CA8: variants seen among roughly 807,000 people sequenced by gnomAD.
The protein encoded by CA8 is carbonic anhydrase-related protein.
A neutral mutation model predicts 41.4 loss-of-function variants in CA8; 22 were observed. That is an observed-to-expected ratio of 0.53 (90% confidence interval 0.38 to 0.76). The LOEUF (loss-of-function observed/expected upper bound fraction) is 0.76. Among genes scored for constraint, CA8 ranks in the 30% least tolerant of loss-of-function variants. The pLI is 0.00. For missense variants in CA8, 270 were observed against 352.8 expected, an observed-to-expected ratio of 0.77 and a Z score of 1.88; for synonymous variants, 121 against 130.6, an observed-to-expected ratio of 0.93 and a Z score of 0.50.
intron 1 of CA8, among the ~76,000 whole-genome samples, chr8:60,280,161 T>G (rs891882221): frequency 6.6e-6 from 1 of 152,220 alleles, no homozygotes; most frequent in Non-Finnish European, 1.5e-5. Context: ...ATTTGGGTCA[T>G]TTTTAAGTGA....
Position 60,187,999 on chromosome 8 carries a change from T to C in CA8, c.*2022A>G, listed in dbSNP as rs1009628582. ...AAGCGTATTATAAACAGTATTCATA[T>C]TCTGAATCTGAGGTAACTAACTGTG... On this transcript the variant is annotated 3_prime_UTR_variant, in exon 9 of 9. Coordinates refer to ENST00000317995, the MANE Select transcript of CA8 (RefSeq NM_004056.6). 7 of 152,216 alleles carry C rather than the reference T, an allele frequency of 4.6e-5. No individual in the cohort carries two copies. Among genetic ancestry groups the C allele is most frequent in the Non-Finnish European group, 1.0e-4 (7 of 68,036 alleles). The allele number at this position is 152,216 out of a possible 1,614,324, so 9.4% of individuals were successfully genotyped here. A position where few individuals can be genotyped will look rare whatever the true frequency, so the allele number is the denominator to read the frequency against.
chr8:60,258,341 A>G (rs13266513), intron 3 of CA8, among the ~76,000 whole-genome samples: 77,000 of 152,092 alleles, frequency 0.51, 21,522 homozygotes, highest in African/African-American at 0.77. Context: ...TCACAGATAC[A>G]TTTGTATAGG....
chr8:60,245,215 A>C (rs1808186263), intron 3 of CA8, among the ~76,000 whole-genome samples: 1 of 152,172 alleles, frequency 6.6e-6, no homozygotes, highest in Non-Finnish European at 1.5e-5. Flanking sequence ...TGAGAAAAGT[A>C]AATTTTGATG....
chr8:60,273,636 A>C (rs1426407429), intron 2 of CA8, among the ~76,000 whole-genome samples: 1 of 152,276 alleles, frequency 6.6e-6, no homozygotes, highest in Non-Finnish European at 1.5e-5. Context: ...AAGCACCAGC[A>C]GAGAAAAGGC....
At chr8:60,221,389 T>A (rs1258247229) in intron 7 of CA8, among the ~76,000 whole-genome samples, 1 of 152,222 alleles carries the variant, frequency 6.6e-6, no homozygotes, top group Non-Finnish European at 1.5e-5. Context: ...CCAGTTAGCA[T>A]TCAGGAAGGG....
intron 3 of CA8, among the ~76,000 whole-genome samples, chr8:60,249,043 A>C (rs1480523604): frequency 1.3e-5 from 2 of 152,152 alleles, no homozygotes; most frequent in African/African-American, 4.8e-5. Context: ...GAGTTTATTC[A>C]AGATTTGGTC....
chr8:60,270,639 C>T (rs951811219), intron 2 of CA8, among the ~76,000 whole-genome samples: 2 of 152,188 alleles, frequency 1.3e-5, no homozygotes, highest in Non-Finnish European at 2.9e-5. Flanking sequence ...TGGTCTTCAA[C>T]TCCTGACCTC....
chr8:60,232,353 A>T lies in CA8; in HGVS notation c.444T>A (p.Thr148=), dbSNP rs1342054874. The T allele has an allele frequency of 8.7e-6, 14 of 1,613,900 alleles. No homozygotes were observed. The highest frequency in any genetic ancestry group is 1.3e-5 in the African/African-American group (1 of 74,926). The part of the protein sequence containing the change: ...MELHLIHWNS[T]LFGSIDEAVG... ...CAGCCTCATCAATGCTGCCAAACAG[A>T]GTGGAGTTCCAGTGGATCAGATGGA... Residue 148 remains threonine, a synonymous_variant, in exon 4 of 9, where the codon ACT becomes ACA. Coordinates refer to ENST00000317995, the MANE Select transcript of CA8 (RefSeq NM_004056.6).
chr8:60,265,845 T>C, intron 3 of CA8, 80 bp downstream of exon 3: 1 of 1,497,222 alleles, frequency 6.7e-7, no homozygotes, highest in South Asian at 1.2e-5. Context: ...CATCTACTTT[T>C]AAACTAAATC....
intron 3 of CA8, among the ~76,000 whole-genome samples, chr8:60,250,079 C>T (rs1002613048): frequency 6.6e-6 from 1 of 152,278 alleles, no homozygotes; most frequent in African/African-American, 2.4e-5. Flanking sequence ...TACCAATAAG[C>T]ATTGGTGATA....
intron 7 of CA8, among the ~76,000 whole-genome samples, chr8:60,219,055 A>G (rs1280235089): frequency 6.6e-6 from 1 of 152,040 alleles, no homozygotes; most frequent in Non-Finnish European, 1.5e-5. Context: ...TCAGGAAGTT[A>G]TCAGCCTCAG....
At chr8:60,257,158 A>C (rs1279478696) in intron 3 of CA8, among the ~76,000 whole-genome samples, 1 of 152,038 alleles carries the variant, frequency 6.6e-6, no homozygotes, top group Non-Finnish European at 1.5e-5. Context: ...TTGTATCTTC[A>C]GTAGAAACAG....
At chr8:60,219,259 A>G (rs1403558820) in intron 7 of CA8, among the ~76,000 whole-genome samples, 1 of 151,876 alleles carries the variant, frequency 6.6e-6, no homozygotes, top group African/African-American at 2.4e-5. Flanking sequence ...CCCGGGTTCA[A>G]GCAATTCTCC....
At position 60,281,260 on chromosome 8, in the gene CA8, G is replaced by C. The variant is rs1585947850; in HGVS notation, c.-113C>G. On this transcript the variant is annotated 5_prime_UTR_variant, in exon 1 of 9. Coordinates refer to ENST00000317995, the MANE Select transcript of CA8 (RefSeq NM_004056.6). ...TGGGGGAGTGTGAGCACGCGTGAGC[G>C]GCAGTGTGAGTGCGAGAGCGCCTCC... 5 of 730,748 alleles carry C rather than the reference G, an allele frequency of 6.8e-6. No homozygotes were observed. The African/African-American group carries it at 7.1e-5, about 10-fold the overall frequency. The allele number at this position is 730,748 out of a possible 1,614,324, so 45.3% of individuals were successfully genotyped here. A position where few individuals can be genotyped will look rare whatever the true frequency, so the allele number is the denominator to read the frequency against.
At chr8:60,252,447 A>G (rs1291694232) in intron 3 of CA8, among the ~76,000 whole-genome samples, 2 of 152,210 alleles carry the variant, frequency 1.3e-5, no homozygotes, top group Non-Finnish European at 2.9e-5. Context: ...TGAGAATACA[A>G]AGCAATTCCA....
chr8:60,219,813 C>T (rs1209473527), intron 7 of CA8, among the ~76,000 whole-genome samples: 1 of 151,650 alleles, frequency 6.6e-6, no homozygotes, highest in Non-Finnish European at 1.5e-5. Context: ...CCTCAATCAC[C>T]TCATCTGAAA....
intron 3 of CA8, among the ~76,000 whole-genome samples, chr8:60,256,871 A>T (rs1808658004): frequency 6.6e-6 from 1 of 152,204 alleles, no homozygotes; most frequent in Non-Finnish European, 1.5e-5. Context: ...ATTCGACTAA[A>T]CAGGGAAGAA....
chr8:60,194,518 T>C (rs1034967882), intron 8 of CA8, among the ~76,000 whole-genome samples: 1 of 152,156 alleles, frequency 6.6e-6, no homozygotes, highest in African/African-American at 2.4e-5. Flanking sequence ...ATTTACTCAC[T>C]CAATTGTGTC....
intron 4 of CA8, among the ~76,000 whole-genome samples, chr8:60,231,447 A>T (rs1213778935): frequency 6.6e-6 from 1 of 152,228 alleles, no homozygotes; most frequent in Non-Finnish European, 1.5e-5. Context: ...TGCCATAAAA[A>T]AACAAGTTTA....
Sources: allele counts gnomAD v4.1 joint callset (sites outside exome capture counted in the v4.1 genomes callset), GRCh38; gene constraint gnomAD v4.1.1; transcripts MANE v1.5; gene names NCBI Gene and HGNC (gene_info 2026-07-23, HGNC 2026-07-21).